The following PRKAG2 variants were observed in gnomAD, a reference collection of about 807,000 sequenced individuals.
The protein encoded by PRKAG2 is 5'-AMP-activated protein kinase subunit gamma-2.
PRKAG2 carries 26 observed loss-of-function variants against 69.6 expected under a neutral mutation model. The observed-to-expected ratio is 0.37, with a 90% CI of 0.27 to 0.52. The LOEUF (loss-of-function observed/expected upper bound fraction) is 0.52. Ranked by LOEUF, PRKAG2 falls within the 20% of genes least tolerant of loss-of-function variation. PRKAG2 has a pLI of 0.90. For synonymous variants in PRKAG2, 293 were observed against 285.0 expected (o/e 1.03, Z -0.28); for missense variants, 557 against 740.0 (o/e 0.75, Z 2.87).
rs1371502164 is a variant in PRKAG2 at position 151,583,068 on chromosome 7, T to A, written c.865-6616A>T. On this transcript the variant is annotated intron_variant, in intron 6 of 15. Coordinates refer to ENST00000287878, the MANE Select transcript of PRKAG2 (RefSeq NM_016203.4). This position sits in a 1 kb window ranked among gnomAD's most constrained non-coding sequence, Gnocchi z 4.1. ...CAGGGTCTTACTCTGTTGCCCAGGCTCAAGTATAGTGGTATGATCACGGCT... is the reference window on the plus strand; with the variant it reads ...CAGGGTCTTACTCTGTTGCCCAGGCACAAGTATAGTGGTATGATCACGGCT... Among the ~76,000 whole-genome samples the A allele has an allele frequency of 1.3e-5, 2 of 152,198 alleles. No homozygotes were observed.
chr7:151,831,008 T>A (rs2079014279), intron 1 of PRKAG2, among the ~76,000 whole-genome samples: 1 of 151,846 alleles, frequency 6.6e-6, no homozygotes, highest in African/African-American at 2.4e-5. Flanking sequence ...ATCAGGGAAA[T>A]GAAAATCAAA....
At chr7:151,737,440 C>G (rs970547374) in intron 3 of PRKAG2, among the ~76,000 whole-genome samples, 1 of 152,134 alleles carries the variant, frequency 6.6e-6, no homozygotes, top group African/African-American at 2.4e-5. Flanking sequence ...GAGGAGGAGA[C>G]TATGTCAGAC....
At chr7:151,753,572 GTTAT>G (rs2074859432) in intron 3 of PRKAG2, among the ~76,000 whole-genome samples, 1 of 152,080 alleles carries the variant, frequency 6.6e-6, no homozygotes, top group South Asian at 2.1e-4. Context: ...AAAATAAAAT[GTTAT>G]TTATTATTTA....
At chr7:151,812,492 C>T in intron 1 of PRKAG2, among the ~76,000 whole-genome samples, 1 of 152,236 alleles carries the variant, frequency 6.6e-6, no homozygotes, top group African/African-American at 2.4e-5. Flanking sequence ...GCCGCAGTTC[C>T]AGGGACCCCT....
At chr7:151,711,143 A>G (rs1214331724) in intron 3 of PRKAG2, among the ~76,000 whole-genome samples, 2 of 151,214 alleles carry the variant, frequency 1.3e-5, no homozygotes, top group African/African-American at 4.9e-5. Context: ...TGAGAGTACT[A>G]AACAGTGCTA....
At chr7:151,673,838 C>CTTTTTTTTTTTTTTTTTT (rs57744338) in intron 4 of PRKAG2, among the ~76,000 whole-genome samples, 1 of 87,590 alleles carries the variant, frequency 1.1e-5, no homozygotes, top group African/African-American at 4.5e-5. Context: ...AGCTTGTGTT[C>CTTTTTTTTTTTTTTTTTT]TTTTTTTTTT....
rs1321254734 is a variant in PRKAG2, at chr7:151,638,628, G to GT, written c.685-6491dup. Reference sequence around the variant, plus strand: ...CAGCTTGGCGACAGAGTGAGACTCTGTCTCAAAAAAAAAAGCTAAATTATT... The same window carrying GT: ...CAGCTTGGCGACAGAGTGAGACTCTGTTCTCAAAAAAAAAAGCTAAATTATT... On this transcript the variant is annotated intron_variant, in intron 4 of 15. Coordinates refer to ENST00000287878, the MANE Select transcript of PRKAG2 (RefSeq NM_016203.4). This position sits in a 1 kb window ranked among gnomAD's most constrained non-coding sequence, Gnocchi z 4.3. 6.6e-6 allele frequency among the ~76,000 whole-genome samples: 1 copy of GT among 151,112 alleles called. No homozygotes were observed. The highest frequency in any genetic ancestry group is 2.4e-5 in the African/African-American group (1 of 40,982).
At chr7:151,684,337 C>T (rs1333525112) in intron 3 of PRKAG2, among the ~76,000 whole-genome samples, 1 of 152,172 alleles carries the variant, frequency 6.6e-6, no homozygotes, top group Non-Finnish European at 1.5e-5. Flanking sequence ...ACTCCCAAAC[C>T]AGGATAAGGA....
chr7:151,840,818 T>C (rs2079258967), intron 1 of PRKAG2, among the ~76,000 whole-genome samples: 1 of 152,228 alleles, frequency 6.6e-6, no homozygotes, highest in Non-Finnish European at 1.5e-5. Flanking sequence ...TCCTCATTCA[T>C]CAACTGTGGA....
chr7:151,651,335 G>A (rs1828462386), intron 4 of PRKAG2, among the ~76,000 whole-genome samples: 1 of 152,126 alleles, frequency 6.6e-6, no homozygotes, highest in Admixed American at 6.6e-5. Context: ...GGCTGGGCAC[G>A]GTGGCTCATG....
chr7:151,764,720 G>A (rs567457661), intron 3 of PRKAG2, among the ~76,000 whole-genome samples: 1 of 152,238 alleles, frequency 6.6e-6, no homozygotes, highest in Non-Finnish European at 1.5e-5. Flanking sequence ...AGTGGGTCAG[G>A]GGCAGAGCCA....
chr7:151,732,821 C>G (rs968888548), intron 3 of PRKAG2, among the ~76,000 whole-genome samples: 1 of 152,212 alleles, frequency 6.6e-6, no homozygotes. Flanking sequence ...GCCTCCCGAG[C>G]AGCTGGGATT....
At position 151,849,399 on chromosome 7, in the gene PRKAG2, C is replaced by T. The variant is rs542460832; in HGVS notation, c.114+27108G>A. On this transcript the variant is annotated intron_variant, in intron 1 of 15. Coordinates refer to ENST00000287878, the MANE Select transcript of PRKAG2 (RefSeq NM_016203.4). ...GGGGAAGTTCTTAGTCAAGAATCTC[C>T]GTGCCTCAGTTTCTCCATGTCCCTA... Among the ~76,000 whole-genome samples the T allele has an allele frequency of 9.3e-4, 141 of 152,318 alleles. 1 individual carries two copies. Among genetic ancestry groups the T allele is most frequent in the Non-Finnish European group, 1.7e-3 (116 of 68,022 alleles).
chr7:151,776,667 C>T (rs1038771050), intron 3 of PRKAG2, among the ~76,000 whole-genome samples: 1 of 152,238 alleles, frequency 6.6e-6, no homozygotes, highest in Non-Finnish European at 1.5e-5. Flanking sequence ...AATTCACAGG[C>T]TCACTGAGCT....
At position 151,709,338 on chromosome 7, in the gene PRKAG2, G is replaced by A. The variant is rs575057130; in HGVS notation, c.467-33701C>T. Among the ~76,000 whole-genome samples, 1,356 of 150,144 alleles carry A rather than the reference G, an allele frequency of 9.0e-3. 13 individuals carry two copies. The highest frequency in any genetic ancestry group is 9.5e-3 in the Non-Finnish European group (645 of 67,982). On this transcript the variant is annotated intron_variant, in intron 3 of 15. Transcript: ENST00000287878. Reference sequence around the variant, plus strand: ...AATGACGTGTGACATTGAGTGACGTGTGACAATGATATGCAATGTGTGACA... The same window carrying A: ...AATGACGTGTGACATTGAGTGACGTATGACAATGATATGCAATGTGTGACA...
At chr7:151,623,363 CAAAAA>C (rs71198724) in intron 5 of PRKAG2, among the ~76,000 whole-genome samples, 570 of 36,618 alleles carry the variant, frequency 0.016, 4 homozygotes, top group Middle Eastern at 0.094. Context: ...GACTCTGTCT[CAAAAA>C]AAAAAAAAAA....
chr7:151,816,066 G>A (rs1339702682), intron 1 of PRKAG2, among the ~76,000 whole-genome samples: 3 of 152,176 alleles, frequency 2.0e-5, no homozygotes, highest in Non-Finnish European at 4.4e-5. Flanking sequence ...GGACAGAAGG[G>A]CGTTGCATGG....
chr7:151,579,174 G>A (rs1218393608), intron 6 of PRKAG2, among the ~76,000 whole-genome samples: 1 of 152,102 alleles, frequency 6.6e-6, no homozygotes, highest in African/African-American at 2.4e-5. Flanking sequence ...ACAGGCACAT[G>A]CCACCATGTC....
chr7:151,565,488 A>G, intron 12 of PRKAG2, 105 bp from the exon 13 acceptor site: 1 of 984,142 alleles, frequency 1.0e-6, no homozygotes, highest in East Asian at 2.6e-5. Flanking sequence ...ACACTGATAA[A>G]TAACCTTGTC....
Sources: allele counts gnomAD v4.1 joint callset (sites outside exome capture counted in the v4.1 genomes callset), GRCh38; gene constraint gnomAD v4.1.1; non-coding constraint Gnocchi (gnomAD v3.1); transcripts MANE v1.5; gene names NCBI Gene and HGNC (gene_info 2026-07-23, HGNC 2026-07-21).